The following NKAIN3 variants were observed in gnomAD, a reference collection of about 807,000 sequenced individuals.
NKAIN3 encodes sodium/potassium transporting ATPase interacting 3.
NKAIN3 carries 25 observed loss-of-function variants against 30.2 expected under a neutral mutation model. The ratio of observed to expected loss-of-function variants is 0.83; its 90% CI spans 0.60 to 1.16. NKAIN3 has a LOEUF of 1.16. Among genes scored for constraint, NKAIN3 ranks in the 50% most tolerant of loss-of-function variants. The probability of loss-of-function intolerance (pLI) is 0.00; values close to 1 mark genes in which losing one functional copy is unlikely to be tolerated. For missense variants in NKAIN3, 225 were observed against 254.1 expected, an observed-to-expected ratio of 0.89 and a Z score of 0.78; for synonymous variants, 91 against 89.6, an observed-to-expected ratio of 1.02 and a Z score of -0.09.
Position 62,422,278 on chromosome 8 carries a change from G to A in NKAIN3, c.55-157261G>A, listed in dbSNP as rs73259292. Among the ~76,000 whole-genome samples the A allele has an allele frequency of 2.7e-3, 417 of 152,120 alleles. 2 individuals are homozygous for A. The highest frequency in any genetic ancestry group is 7.0e-3 in the African/African-American group (292 of 41,514). On this transcript the variant is annotated intron_variant, in intron 1 of 6. Coordinates refer to ENST00000623646, the MANE Select transcript of NKAIN3 (RefSeq NM_001304533.3). ...GAGAATTATTTCTTAATTTGATGCTGCCTTTCCTAGAAAAACAATGTGGTT... is the reference window on the plus strand; with the variant it reads ...GAGAATTATTTCTTAATTTGATGCTACCTTTCCTAGAAAAACAATGTGGTT...
intron 1 of NKAIN3, among the ~76,000 whole-genome samples, chr8:62,319,968 A>T (rs1035578722): frequency 6.6e-5 from 10 of 152,050 alleles, no homozygotes; most frequent in Admixed American, 3.9e-4. Context: ...TGGTAGTCTA[A>T]GTCTCTTTGT....
chr8:62,547,437 T>A (rs1197851668), intron 1 of NKAIN3, among the ~76,000 whole-genome samples: 1 of 152,186 alleles, frequency 6.6e-6, no homozygotes, highest in Non-Finnish European at 1.5e-5. Context: ...GGTTCTTGCT[T>A]ATGGTGTTTT....
intron 5 of NKAIN3, among the ~76,000 whole-genome samples, chr8:62,941,507 C>G (rs1053544280): frequency 6.6e-6 from 1 of 152,036 alleles, no homozygotes; most frequent in African/African-American, 2.4e-5. Flanking sequence ...CAAAAATCCT[C>G]AATAAAATAG....
At chr8:62,778,623 C>G (rs1817260386) in intron 4 of NKAIN3, among the ~76,000 whole-genome samples, 1 of 152,032 alleles carries the variant, frequency 6.6e-6, no homozygotes, top group Admixed American at 6.6e-5. Flanking sequence ...CTCCTCTGGC[C>G]CAGAACAGGA....
At chr8:62,479,148 C>A (rs1216707791) in intron 1 of NKAIN3, among the ~76,000 whole-genome samples, 2 of 152,190 alleles carry the variant, frequency 1.3e-5, no homozygotes, top group South Asian at 4.1e-4. Flanking sequence ...TTCACCAAAC[C>A]TGAGGACTTT....
intron 3 of NKAIN3, among the ~76,000 whole-genome samples, chr8:62,628,934 C>A (rs1281106026): frequency 6.6e-6 from 1 of 152,128 alleles, no homozygotes; most frequent in Non-Finnish European, 1.5e-5. Context: ...ATGTAGTCAT[C>A]CTTGATACAT....
chr8:62,752,317 T>C (rs79082117), intron 4 of NKAIN3, among the ~76,000 whole-genome samples: 4,034 of 152,318 alleles, frequency 0.026, 189 homozygotes, highest in African/African-American at 0.092. Context: ...CCTTATCCTA[T>C]TTAGGCTGGT....
chr8:62,403,684 T>G (rs1488626674), intron 1 of NKAIN3, among the ~76,000 whole-genome samples: 6 of 152,196 alleles, frequency 3.9e-5, no homozygotes, highest in Admixed American at 3.9e-4. Context: ...TGGAAATGCC[T>G]CGATGTCAGG....
chr8:62,666,839 C>A (rs1010504944), intron 3 of NKAIN3, among the ~76,000 whole-genome samples: 1 of 152,102 alleles, frequency 6.6e-6, no homozygotes, highest in Admixed American at 6.5e-5. Context: ...GCTTATTCAT[C>A]AAACCCACTT....
At chr8:62,270,167 A>G (rs190756387) in intron 1 of NKAIN3, among the ~76,000 whole-genome samples, 493 of 152,152 alleles carry the variant, frequency 3.2e-3, no homozygotes, top group Non-Finnish European at 5.6e-3. Context: ...GCAGCCTCGA[A>G]CTCCTGGGCT....
intron 1 of NKAIN3, among the ~76,000 whole-genome samples, chr8:62,493,947 A>G (rs978504802): frequency 2.0e-5 from 3 of 152,102 alleles, no homozygotes; most frequent in Non-Finnish European, 4.4e-5. Flanking sequence ...GGTTTTCTGA[A>G]TAGAATCATA....
At chr8:62,527,312 A>G (rs554580883) in intron 1 of NKAIN3, among the ~76,000 whole-genome samples, 2 of 152,304 alleles carry the variant, frequency 1.3e-5, no homozygotes, top group South Asian at 2.1e-4. Flanking sequence ...TGTTTCTTCT[A>G]TTGTTGAAAA....
At chr8:62,993,497 G>A (rs954048156) in intron 5 of NKAIN3, among the ~76,000 whole-genome samples, 1 of 152,164 alleles carries the variant, frequency 6.6e-6, no homozygotes, top group Non-Finnish European at 1.5e-5. Flanking sequence ...TAAACCTGGA[G>A]AGTAAATAAT....
At chr8:62,987,268 G>A (rs1824221844), downstream of NKAIN3, among the ~76,000 whole-genome samples, 2 of 152,002 alleles carry the variant, frequency 1.3e-5, no homozygotes, top group South Asian at 4.2e-4. Flanking sequence ...TGGCTGGCGT[G>A]TGCCTGTAAT....
intron 1 of NKAIN3, among the ~76,000 whole-genome samples, chr8:62,494,627 G>T (rs756656334): frequency 3.3e-5 from 5 of 152,056 alleles, no homozygotes; most frequent in African/African-American, 4.8e-5. Context: ...GTAGAACTTG[G>T]CTGTGAGTTT....
At chr8:62,580,969 T>C (rs945150953) in intron 2 of NKAIN3, among the ~76,000 whole-genome samples, 4 of 147,730 alleles carry the variant, frequency 2.7e-5, no homozygotes, top group African/African-American at 7.4e-5. Flanking sequence ...TAGCCAGACA[T>C]TGGGGGGCCT....
chr8:62,464,654 T>C (rs1320806427), intron 1 of NKAIN3, among the ~76,000 whole-genome samples: 3 of 152,172 alleles, frequency 2.0e-5, no homozygotes, highest in Admixed American at 2.0e-4. Context: ...AAGTCTCCCG[T>C]GATGGGTCAG....
intron 4 of NKAIN3, among the ~76,000 whole-genome samples, chr8:62,847,008 A>G (rs1258860668): frequency 6.6e-6 from 1 of 152,170 alleles, no homozygotes; most frequent in African/African-American, 2.4e-5. Flanking sequence ...TGATTCAATT[A>G]TCTCCATCTG....
chr8:62,368,085 G>A (rs1313730917), intron 1 of NKAIN3, among the ~76,000 whole-genome samples: 2 of 152,074 alleles, frequency 1.3e-5, no homozygotes, highest in Non-Finnish European at 2.9e-5. Flanking sequence ...CAAATAAATG[G>A]AAAGATATCT....
Sources: allele counts gnomAD v4.1 joint callset (sites outside exome capture counted in the v4.1 genomes callset), GRCh38; gene constraint gnomAD v4.1.1; transcripts MANE v1.5; gene names NCBI Gene and HGNC (gene_info 2026-07-23, HGNC 2026-07-21).